The following TANC1 variants were observed in gnomAD, a reference collection of about 807,000 sequenced individuals.
TANC1 encodes tetratricopeptide repeat, ankyrin repeat and coiled-coil containing 1, also known as protein TANC1.
A neutral mutation model predicts 149.7 loss-of-function variants in TANC1; 77 were observed. That is an observed-to-expected ratio of 0.51 (90% CI 0.43 to 0.62). The LOEUF is 0.62. TANC1 is among the 20% of genes least tolerant of loss of function. TANC1 has a pLI of 0.00. For synonymous variants in TANC1, 854 were observed against 925.0 expected (o/e 0.92, Z 1.39); for missense variants, 1,985 against 2,321.8 (o/e 0.85, Z 2.98).
intron 5 of TANC1, among the ~76,000 whole-genome samples, chr2:159,146,982 A>T (rs1424849679): frequency 6.6e-6 from 1 of 151,968 alleles, no homozygotes; most frequent in African/African-American, 2.4e-5. Context: ...CTGTTTGCAG[A>T]CACAGTGTGG....
At position 159,176,509 on chromosome 2, in the gene TANC1, A is replaced by G. The variant is rs773093688; in HGVS notation, c.1893A>G (p.Ala631=). 7 of 1,589,694 alleles carry G rather than the reference A, an allele frequency of 4.4e-6. No homozygotes were observed. In the South Asian group the frequency reaches 5.8e-5, roughly 13 times the overall value. ...AWLKLIVTVR[A]NFQEIISALP... is the part of the protein sequence containing the mutation. The stretch of plus-strand genomic sequence containing the variant: ...TGAAGTTGATTGTGACTGTAAGAGC[A>G]AATTTTCAGGTAACAAAGAATTCTC... Residue 631 remains alanine (A), a synonymous_variant, in exon 13 of 27, where the codon GCA becomes GCG. Transcript: ENST00000263635.
rs1469819294 is a variant in TANC1, at chr2:159,232,521, T to C, written c.*1509T>C. 6.5e-6 allele frequency: 1 copy of C among 152,672 alleles called. No homozygotes were observed. The highest frequency in any genetic ancestry group is 1.9e-4 in the East Asian group (1 of 5,202). 9.5% of individuals were successfully genotyped at this position (152,672 alleles called of 1,614,324 possible). On this transcript the variant is annotated 3_prime_UTR_variant, in exon 27 of 27. Coordinates refer to ENST00000263635, the MANE Select transcript of TANC1 (RefSeq NM_033394.3). ...TGTATGAACAGCTTTATCATTTTTATAGGCTTTCCATGAGTTTTGCTGTAA... is the reference window on the plus strand; with the variant it reads ...TGTATGAACAGCTTTATCATTTTTACAGGCTTTCCATGAGTTTTGCTGTAA...
chr2:159,135,617 C>T (rs984882523), intron 4 of TANC1, among the ~76,000 whole-genome samples: 4 of 152,236 alleles, frequency 2.6e-5, no homozygotes, highest in African/African-American at 4.8e-5. Context: ...ATGTCTGACC[C>T]GCTTGCTGGC....
At chr2:159,041,581 C>A (rs896075470) in intron 2 of TANC1, among the ~76,000 whole-genome samples, 11 of 152,238 alleles carry the variant, frequency 7.2e-5, no homozygotes, top group African/African-American at 2.7e-4. Flanking sequence ...GGGAGCGGGA[C>A]CCGCTGAGCC....
intron 4 of TANC1, among the ~76,000 whole-genome samples, chr2:159,102,863 C>T (rs2046875061): frequency 1.1e-5 from 1 of 95,216 alleles, no homozygotes; most frequent in African/African-American, 3.1e-5. Context: ...GGACTACAGG[C>T]ACCCACCACC....
chr2:159,136,033 TGTGTGTGTGTGTGTGTGCGCGC>T (rs1230370884), intron 4 of TANC1, among the ~76,000 whole-genome samples, 139 bp from the exon 5 acceptor site: 133 of 61,422 alleles, frequency 2.2e-3, no homozygotes, highest in East Asian at 0.01. Context: ...TGTGTGTGTG[TGTGTGTGTGTGTGTGTGCGCGC>T]GCGCGCGTTT....
At chr2:158,999,785 C>T (rs888255464) in intron 1 of TANC1, among the ~76,000 whole-genome samples, 2 of 152,222 alleles carry the variant, frequency 1.3e-5, no homozygotes, top group African/African-American at 4.8e-5. Flanking sequence ...CCACTGTACT[C>T]ATCCTTTTAT....
chr2:158,969,932 T>G (rs1416326804), intron 1 of TANC1, among the ~76,000 whole-genome samples: 2 of 150,152 alleles, frequency 1.3e-5, no homozygotes, highest in Non-Finnish European at 2.9e-5. Flanking sequence ...GGAGGGAACT[T>G]TCATCTTGAA....
chr2:158,982,590 T>G (rs1026915556), intron 1 of TANC1, among the ~76,000 whole-genome samples: 1 of 152,210 alleles, frequency 6.6e-6, no homozygotes, highest in Non-Finnish European at 1.5e-5. Flanking sequence ...ATATTTTATT[T>G]TATTCTGTTT....
chr2:159,183,762 A>G (rs1289983666), intron 14 of TANC1, among the ~76,000 whole-genome samples: 1 of 152,142 alleles, frequency 6.6e-6, no homozygotes, highest in African/African-American at 2.4e-5. Flanking sequence ...GTGTGGAGAA[A>G]GATCCATAAA....
At chr2:159,099,321 G>A (rs1200783711) in intron 4 of TANC1, among the ~76,000 whole-genome samples, 1 of 152,068 alleles carries the variant, frequency 6.6e-6, no homozygotes, top group Admixed American at 6.6e-5. Flanking sequence ...CCTCACTGCT[G>A]TATCTCTTTG....
intron 3 of TANC1, among the ~76,000 whole-genome samples, chr2:159,095,733 C>CAAAA (rs61191170): frequency 5.0e-5 from 5 of 100,428 alleles, no homozygotes; most frequent in African/African-American, 1.2e-4. Flanking sequence ...AAGACTGTCT[C>CAAAA]AAAAAAAAAA....
intron 2 of TANC1, among the ~76,000 whole-genome samples, chr2:159,014,166 T>C (rs941319046): frequency 1.1e-4 from 17 of 152,326 alleles, no homozygotes; most frequent in African/African-American, 3.8e-4. Flanking sequence ...AAGACATACC[T>C]GAGACTGGGC....
chr2:159,213,096 GAAGA>G (rs1282936467), intron 19 of TANC1, among the ~76,000 whole-genome samples: 6 of 152,084 alleles, frequency 3.9e-5, no homozygotes, highest in Non-Finnish European at 7.3e-5. Flanking sequence ...TAATAGAAAG[GAAGA>G]CACCCATGAA....
At chr2:159,140,506 A>G (rs888380177) in intron 5 of TANC1, among the ~76,000 whole-genome samples, 2 of 152,106 alleles carry the variant, frequency 1.3e-5, no homozygotes, top group Non-Finnish European at 2.9e-5. Context: ...TATGCTGTGA[A>G]AAAACACTAT....
In TANC1 at chr2:159,043,787, C is replaced by T. The variant is rs111415825; in HGVS notation, c.-15-22109C>T. On this transcript the variant is annotated intron_variant, in intron 2 of 26. Coordinates refer to ENST00000263635, the MANE Select transcript of TANC1 (RefSeq NM_033394.3). ...ATAAGGTCAGACTGGCTGTCTCATCCGTATCATTTTCATTCTTCTACTCCT... is the reference window on the plus strand; with the variant it reads ...ATAAGGTCAGACTGGCTGTCTCATCTGTATCATTTTCATTCTTCTACTCCT... Among the ~76,000 whole-genome samples, 126 of 152,256 alleles carry T rather than the reference C, an allele frequency of 8.3e-4. 1 individual carries two copies. In the Middle Eastern group the frequency reaches 0.01, roughly 12 times the overall value.
At chr2:159,069,181 G>A (rs893113677) in intron 3 of TANC1, among the ~76,000 whole-genome samples, 2 of 152,180 alleles carry the variant, frequency 1.3e-5, no homozygotes, top group African/African-American at 4.8e-5. Flanking sequence ...AGTGTTTTCA[G>A]AAGGCAATAG....
In TANC1 at chr2:159,178,538, T is replaced by C. The variant is rs1308539775; in HGVS notation, c.1903-18T>C. On this transcript the variant is annotated intron_variant, in intron 13 of 26. Transcript: ENST00000263635. ...ATCTCTTTAGAGTGACACTGTGGGTTTTTGTTTTCTCCCCCAGGAAATCAT... is the reference window on the plus strand; with the variant it reads ...ATCTCTTTAGAGTGACACTGTGGGTCTTTGTTTTCTCCCCCAGGAAATCAT... 7 of 1,538,398 alleles carry C rather than the reference T, an allele frequency of 4.6e-6. No homozygotes were observed. The highest frequency in any genetic ancestry group is 6.1e-6 in the Non-Finnish European group (7 of 1,145,574).
At chr2:159,130,581 G>A (rs1030325431) in intron 4 of TANC1, among the ~76,000 whole-genome samples, 9 of 152,164 alleles carry the variant, frequency 5.9e-5, no homozygotes, top group African/African-American at 2.2e-4. Context: ...CTGACTGTGT[G>A]GCCTGCAGTT....
Sources: gnomAD v4.1 joint callset for allele counts (sites outside exome capture counted in the v4.1 genomes callset) on GRCh38, gnomAD v4.1.1 for gene constraint, MANE v1.5 for transcripts, NCBI Gene and HGNC (gene_info 2026-07-23, HGNC 2026-07-21) for gene names.